PAM: variants seen among roughly 807,000 people sequenced by gnomAD.
The protein encoded by PAM is peptidyl-glycine alpha-amidating monooxygenase.
In PAM, 72 loss-of-function variants were observed where a neutral mutation model predicts 122.1. That is an observed-to-expected ratio of 0.59 (90% CI 0.49 to 0.72). The LOEUF (loss-of-function observed/expected upper bound fraction) is 0.72. Ranked by LOEUF, PAM falls within the 30% of genes least tolerant of loss-of-function variation. The pLI, the probability that PAM is intolerant of heterozygous loss-of-function variation, is 0.00. For missense variants in PAM, 1,106 were observed against 1,183.7 expected (o/e 0.93, Z 0.96); for synonymous variants, 389 against 404.4 (o/e 0.96, Z 0.46).
intron 1 of PAM, among the ~76,000 whole-genome samples, chr5:102,770,568 C>T (rs991909356): frequency 1.3e-5 from 2 of 152,038 alleles, no homozygotes; most frequent in Admixed American, 1.3e-4. Flanking sequence ...GAGTTTTTAT[C>T]ATGAAAGTAC....
At chr5:102,755,905 C>T (rs537859123) in intron 1 of PAM, among the ~76,000 whole-genome samples, 1 of 152,218 alleles carries the variant, frequency 6.6e-6, no homozygotes, top group African/African-American at 2.4e-5. Context: ...CCTTGCCCAG[C>T]TTTGCTCTCT....
intron 22 of PAM, among the ~76,000 whole-genome samples, chr5:103,018,664 G>A (rs1782699952): frequency 6.6e-6 from 1 of 152,110 alleles, no homozygotes; most frequent in African/African-American, 2.4e-5. Flanking sequence ...TGGATTTTCA[G>A]AACAAAAACA....
At chr5:102,954,171 T>C (rs1376357578) in intron 12 of PAM, among the ~76,000 whole-genome samples, 3 of 152,152 alleles carry the variant, frequency 2.0e-5, no homozygotes, top group African/African-American at 7.2e-5. Flanking sequence ...TTTATTTCAA[T>C]AGTTTTTGGG....
chr5:102,790,259 G>A (rs1761707114), intron 1 of PAM, among the ~76,000 whole-genome samples: 4 of 152,046 alleles, frequency 2.6e-5, no homozygotes, highest in South Asian at 2.1e-4. Flanking sequence ...TTATGGAAAC[G>A]AATGTGTCCT....
intron 1 of PAM, among the ~76,000 whole-genome samples, chr5:102,763,961 G>T (rs73774891): frequency 4.6e-4 from 70 of 152,198 alleles, no homozygotes; most frequent in African/African-American, 1.5e-3. Context: ...ATGTCAGTGG[G>T]GTGAAATTGG....
At chr5:102,870,779 T>C (rs1787170350) in intron 3 of PAM, among the ~76,000 whole-genome samples, 1 of 152,164 alleles carries the variant, frequency 6.6e-6, no homozygotes, top group Non-Finnish European at 1.5e-5. Flanking sequence ...AGTCAGGATC[T>C]GGTGTTCCAT....
intron 15 of PAM, among the ~76,000 whole-genome samples, chr5:102,979,257 A>G (rs1378558704): frequency 6.6e-6 from 1 of 152,176 alleles, no homozygotes; most frequent in Non-Finnish European, 1.5e-5. Context: ...TTAAAAAGGA[A>G]AAGAATACTG....
intron 1 of PAM, among the ~76,000 whole-genome samples, chr5:102,791,640 AG>A (rs531574624): frequency 8.9e-4 from 136 of 152,252 alleles, no homozygotes; most frequent in Non-Finnish European, 1.6e-3. Context: ...GTGTTACTGA[AG>A]AAAAAATAAA....
chr5:102,994,177 T>C (rs1451531745), intron 16 of PAM, among the ~76,000 whole-genome samples: 2 of 152,110 alleles, frequency 1.3e-5, no homozygotes, highest in Admixed American at 6.6e-5. Context: ...ACTTCAACCA[T>C]CATCCAGTGT....
intron 1 of PAM, among the ~76,000 whole-genome samples, chr5:102,795,394 G>A (rs1382745164): frequency 6.6e-6 from 1 of 152,080 alleles, no homozygotes; most frequent in South Asian, 2.1e-4. Flanking sequence ...TTAAACTGCT[G>A]TCTAACCTCT....
At chr5:102,757,918 G>A (rs937518385) in intron 1 of PAM, among the ~76,000 whole-genome samples, 23 of 151,116 alleles carry the variant, frequency 1.5e-4, no homozygotes, top group African/African-American at 3.4e-4. Flanking sequence ...GGTGCACGCC[G>A]GTAGTCCCAG....
At chr5:102,809,875 A>G (rs1244618281) in intron 1 of PAM, among the ~76,000 whole-genome samples, 1 of 152,150 alleles carries the variant, frequency 6.6e-6, no homozygotes, top group Non-Finnish European at 1.5e-5. Flanking sequence ...TTTCTTCACT[A>G]TTTTGAATAC....
chr5:102,833,364 T>C (rs545330961), intron 1 of PAM, among the ~76,000 whole-genome samples: 23 of 152,302 alleles, frequency 1.5e-4, no homozygotes, highest in African/African-American at 5.5e-4. Context: ...GGAGTCTTTG[T>C]TAATTGAAGA....
chr5:102,886,741 A>G (rs1231229395), intron 3 of PAM, among the ~76,000 whole-genome samples: 1 of 152,028 alleles, frequency 6.6e-6, no homozygotes, highest in Non-Finnish European at 1.5e-5. Context: ...ATCTTTGTGC[A>G]TATTTTTGGT....
intron 1 of PAM, among the ~76,000 whole-genome samples, chr5:102,783,632 C>T (rs1050522645): frequency 6.6e-6 from 1 of 152,066 alleles, no homozygotes; most frequent in Non-Finnish European, 1.5e-5. Flanking sequence ...TATATGAAGA[C>T]CAAAGATCTA....
intron 15 of PAM, among the ~76,000 whole-genome samples, chr5:102,975,101 G>A (rs1767186090): frequency 6.6e-6 from 1 of 152,186 alleles, no homozygotes; most frequent in African/African-American, 2.4e-5. Context: ...GTACCAGCAA[G>A]CTATGGATGC....
chr5:102,967,679 TGTAAG>T (rs999141248), intron 14 of PAM, among the ~76,000 whole-genome samples: 4 of 151,930 alleles, frequency 2.6e-5, no homozygotes, highest in African/African-American at 9.7e-5. Flanking sequence ...TGGTCATACA[TGTAAG>T]GTACATTTTT....
intron 25 of PAM, 140 bp from the exon 26 acceptor site, chr5:103,028,747 C>T (rs995751698): frequency 3.3e-6 from 2 of 603,328 alleles, no homozygotes; most frequent in African/African-American, 1.9e-5. Flanking sequence ...ACGTCTCTGT[C>T]TGTTTTTCTA....
intron 3 of PAM, among the ~76,000 whole-genome samples, chr5:102,893,588 T>C (rs1350851615): frequency 6.6e-6 from 1 of 151,884 alleles, no homozygotes; most frequent in Admixed American, 6.6e-5. Context: ...TTTTATTCTT[T>C]TCTTACTCTT....
Sources: gnomAD v4.1 joint callset for allele counts (sites outside exome capture counted in the v4.1 genomes callset) on GRCh38, gnomAD v4.1.1 for gene constraint, MANE v1.5 for transcripts, NCBI Gene and HGNC (gene_info 2026-07-23, HGNC 2026-07-21) for gene names.